KLHL3: variants seen among roughly 807,000 people sequenced by gnomAD.
KLHL3 encodes the protein kelch-like protein 3.
In KLHL3, 19 loss-of-function variants were observed where a neutral mutation model predicts 70.5. The ratio of observed to expected loss-of-function variants is 0.27; its 90% confidence interval spans 0.19 to 0.40. The LOEUF (loss-of-function observed/expected upper bound fraction) is 0.40, where lower values mean the gene tolerates loss of function less well. Among genes scored for constraint, KLHL3 ranks in the 10% least tolerant of loss-of-function variants. KLHL3 has a pLI of 1.00. For synonymous variants in KLHL3, 258 were observed against 290.3 expected, an observed-to-expected ratio of 0.89 and a Z score of 1.13; for missense variants, 512 against 771.1, an observed-to-expected ratio of 0.66 and a Z score of 3.98.
intron 1 of KLHL3, 191 bp from the exon 2 acceptor site, chr5:137,720,775 A>C: frequency 7.1e-7 from 1 of 1,415,202 alleles, no homozygotes; most frequent in Non-Finnish European, 9.2e-7. Flanking sequence ...CATTCCTCTG[A>C]AGGAAGGCAG....
At chr5:137,622,192 T>C in intron 14 of KLHL3, 66 bp from the exon 15 acceptor site, 1 of 1,558,896 alleles carries the variant, frequency 6.4e-7, no homozygotes, top group Non-Finnish European at 8.9e-7. Flanking sequence ...TCCCAGTGAG[T>C]TCATGAATCC....
intron 4 of KLHL3, among the ~76,000 whole-genome samples, chr5:137,693,432 G>A (rs187810756): frequency 1.3e-5 from 2 of 152,024 alleles, no homozygotes; most frequent in Non-Finnish European, 1.5e-5. Context: ...GAGCAGGCCC[G>A]CTGGGTGCTC....
At chr5:137,641,049 G>T (rs1417066120) in intron 8 of KLHL3, among the ~76,000 whole-genome samples, 3 of 152,074 alleles carry the variant, frequency 2.0e-5, no homozygotes, top group African/African-American at 7.2e-5. Context: ...CTTAATTATG[G>T]TATCACTGCT....
chr5:137,731,350 C>G (rs1753170294), intron 1 of KLHL3, among the ~76,000 whole-genome samples: 1 of 152,106 alleles, frequency 6.6e-6, no homozygotes, highest in African/African-American at 2.4e-5. Context: ...ATTTTCTATC[C>G]CTGACTTCTA....
At chr5:137,658,045 G>T in intron 8 of KLHL3, 86 bp downstream of exon 8, 1 of 1,346,532 alleles carries the variant, frequency 7.4e-7, no homozygotes, top group Non-Finnish European at 1.0e-6. Context: ...GCAGCCATGG[G>T]TGAGGAAAGA....
In KLHL3 at chr5:137,687,248, C is replaced by CGG. The variant is rs1267276240; in HGVS notation, c.526+5035_526+5036dup. Among the ~76,000 whole-genome samples the CGG allele has an allele frequency of 4.5e-3, 53 of 11,720 alleles. 4 individuals carry two copies. Among genetic ancestry groups the CGG allele is most frequent in the African/African-American group, 0.027 (50 of 1,858 alleles). 7.7% of individuals were successfully genotyped at this position (11,720 alleles called of 152,430 possible). Reference sequence around the variant, plus strand: ...AGCCGCCCCGTCCGGGAGGGAGGCGCGGGGGGGGGTCGGCCAGCCGCCCTG... The same window carrying CGG: ...AGCCGCCCCGTCCGGGAGGGAGGCGCGGGGGGGGGGGTCGGCCAGCCGCCCTG... On this transcript the variant is annotated intron_variant, in intron 5 of 14. Transcript: ENST00000309755.
chr5:137,634,046 T>A lies in KLHL3; in HGVS notation c.1441A>T (p.Ser481Cys). Reference protein sequence around the residue: ...IYVADMSTRRSGAGVGVLSGQ... With the variant: ...IYVADMSTRRCGAGVGVLSGQ... ...CGAGGTTCTCCCATACCTGCGCCAC[T>A]GCGGCGGGTGCTCATGTCCGCCACG... The change falls in exon 12 of 15, where the codon AGT becomes TGT. Residue 481 changes from serine (S) to cysteine (C), a missense_variant. Physicochemically the swap from Ser to Cys is moderately radical, Grantham distance 112. Coordinates refer to ENST00000309755, the MANE Select transcript of KLHL3 (RefSeq NM_017415.3). 1 of 1,614,190 alleles carries A rather than the reference T, an allele frequency of 6.2e-7. No homozygotes were observed. The highest frequency in any genetic ancestry group is 8.5e-7 in the Non-Finnish European group (1 of 1,180,036).
At chr5:137,624,049 T>C (rs973056863) in intron 14 of KLHL3, among the ~76,000 whole-genome samples, 1 of 152,222 alleles carries the variant, frequency 6.6e-6, no homozygotes, top group Non-Finnish European at 1.5e-5. Flanking sequence ...TCTCATAACA[T>C]TAAAAATCCA....
rs756641859 is a variant in KLHL3 at position 137,638,924 on chromosome 5, G to A, written c.1219+29C>T. 3 of 1,599,640 alleles carry A rather than the reference G, an allele frequency of 1.9e-6. No homozygotes were observed. In the African/African-American group the frequency reaches 4.0e-5, roughly 21 times the overall value. The stretch of plus-strand genomic sequence containing the variant: ...GCATGGAGGATGTGTCCCAGGCTAG[G>A]AGGGGTTGGGAACACACCCTAAACC... On this transcript the variant is annotated intron_variant, in intron 10 of 14. Transcript: ENST00000309755.
At chr5:137,683,758 GCTCTCTTT>G (rs779107508) in intron 5 of KLHL3, among the ~76,000 whole-genome samples, 2 of 71,376 alleles carry the variant, frequency 2.8e-5, no homozygotes, top group African/African-American at 6.7e-5. Flanking sequence ...TCTCTCTCTA[GCTCTCTTT>G]CTCTCTCTCT....
intron 5 of KLHL3, among the ~76,000 whole-genome samples, chr5:137,683,536 G>A (rs146211796): frequency 2.0e-4 from 31 of 152,262 alleles, no homozygotes; most frequent in African/African-American, 6.5e-4. Flanking sequence ...CAGGCTCACA[G>A]TTTCTCTGCT....
intron 8 of KLHL3, among the ~76,000 whole-genome samples, chr5:137,645,200 T>C (rs928603599): frequency 3.9e-5 from 6 of 152,164 alleles, no homozygotes; most frequent in African/African-American, 1.4e-4. Context: ...AACCCGCAGC[T>C]AACATCATAC....
chr5:137,728,267 C>T (rs1040130937), intron 1 of KLHL3, among the ~76,000 whole-genome samples: 1 of 152,182 alleles, frequency 6.6e-6, no homozygotes, highest in Non-Finnish European at 1.5e-5. Context: ...GTGAGCTCTC[C>T]ATGAGAACCA....
intron 2 of KLHL3, among the ~76,000 whole-genome samples, chr5:137,713,876 AT>A (rs963186721): frequency 2.6e-5 from 4 of 151,932 alleles, no homozygotes; most frequent in African/African-American, 7.3e-5. Flanking sequence ...TGAACAAGAG[AT>A]TTTTTTTATT....
chr5:137,706,071 T>C, intron 3 of KLHL3: 1 of 985,426 alleles, frequency 1.0e-6, no homozygotes, highest in African/African-American at 1.7e-5. Flanking sequence ...TTATTCCAAG[T>C]TATTGTCCAC....
At chr5:137,644,630 C>T (rs1194390906) in intron 8 of KLHL3, among the ~76,000 whole-genome samples, 3 of 152,034 alleles carry the variant, frequency 2.0e-5, no homozygotes, top group Non-Finnish European at 2.9e-5. Flanking sequence ...AACAGAAAAC[C>T]CAAACAGACC....
intron 12 of KLHL3, chr5:137,628,667 C>A: frequency 5.1e-6 from 2 of 393,280 alleles, no homozygotes; most frequent in Non-Finnish European, 4.5e-6. Flanking sequence ...CAAATGTGAC[C>A]CAAATTCTGT....
At chr5:137,689,000 T>A (rs2967798) in intron 5 of KLHL3, among the ~76,000 whole-genome samples, 118,836 of 152,156 alleles carry the variant, frequency 0.78, 46,645 homozygotes, top group East Asian at 0.98. Flanking sequence ...AGTCTCATCA[T>A]CAGATAGTGA....
intron 13 of KLHL3, among the ~76,000 whole-genome samples, chr5:137,626,477 T>C (rs1166659595): frequency 6.6e-6 from 1 of 152,240 alleles, no homozygotes; most frequent in African/African-American, 2.4e-5. Context: ...CAAGGTCTCA[T>C]ACAGCAGGGT....
Sources: allele counts gnomAD v4.1 joint callset (sites outside exome capture counted in the v4.1 genomes callset), GRCh38; gene constraint gnomAD v4.1.1; transcripts MANE v1.5; gene names NCBI Gene and HGNC (gene_info 2026-07-23, HGNC 2026-07-21).